The following ARHGAP26 variants were observed in gnomAD, a reference collection of about 807,000 sequenced individuals.
ARHGAP26 encodes rho GTPase-activating protein 26.
A neutral mutation model predicts 104.8 loss-of-function variants in ARHGAP26; 38 were observed. The observed-to-expected ratio is 0.36, with a 90% CI of 0.28 to 0.48. The LOEUF (loss-of-function observed/expected upper bound fraction) is 0.48. Ranked by LOEUF, ARHGAP26 falls within the 20% of genes least tolerant of loss-of-function variation. ARHGAP26 has a pLI of 0.99. For synonymous variants in ARHGAP26, 341 were observed against 340.0 expected (o/e 1.00, Z -0.03); for missense variants, 704 against 947.9 (o/e 0.74, Z 3.38).
chr5:143,102,306 C>T lies in ARHGAP26; in HGVS notation c.1539-18682C>T, dbSNP rs551033842. On this transcript the variant is annotated intron_variant, in intron 17 of 22. Transcript: ENST00000645722. ...TTCAGTCTGTTCCACTAGCAAGTAC[C>T]AGAGTGTGAGTCTCCCCTGGCAGGT... Among the ~76,000 whole-genome samples the T allele has an allele frequency of 2.6e-5, 4 of 152,260 alleles. No homozygotes were observed. The South Asian group carries it at 8.3e-4, about 32-fold the overall frequency.
At chr5:143,163,295 G>A (rs1048781502) in intron 20 of ARHGAP26, among the ~76,000 whole-genome samples, 1 of 152,156 alleles carries the variant, frequency 6.6e-6, no homozygotes, top group Admixed American at 6.5e-5. Context: ...AATATTTATG[G>A]TTGAATGAAG....
intron 11 of ARHGAP26, among the ~76,000 whole-genome samples, chr5:142,953,326 T>G (rs962951545): frequency 1.3e-5 from 2 of 152,236 alleles, no homozygotes; most frequent in African/African-American, 4.8e-5. Context: ...ATTGGTCACC[T>G]GCACTTATGC....
chr5:143,158,189 C>T (rs1800741044), intron 20 of ARHGAP26, among the ~76,000 whole-genome samples: 1 of 152,250 alleles, frequency 6.6e-6, no homozygotes, highest in African/African-American at 2.4e-5. Context: ...GATGGACACT[C>T]AATGTTTACT....
intron 1 of ARHGAP26, among the ~76,000 whole-genome samples, chr5:142,802,017 C>T (rs1243954181): frequency 6.6e-6 from 1 of 152,150 alleles, no homozygotes; most frequent in Non-Finnish European, 1.5e-5. Context: ...CAGAGGGGAT[C>T]TGTTCCCTCT....
At chr5:143,175,289 G>A (rs1430254304) in intron 20 of ARHGAP26, among the ~76,000 whole-genome samples, 2 of 152,176 alleles carry the variant, frequency 1.3e-5, no homozygotes, top group African/African-American at 4.8e-5. Context: ...TCAGCATCTT[G>A]AAAGGCAGCT....
chr5:143,091,400 A>C (rs1598968711), intron 17 of ARHGAP26, among the ~76,000 whole-genome samples: 1 of 152,358 alleles, frequency 6.6e-6, no homozygotes, highest in African/African-American at 2.4e-5. Flanking sequence ...AGATAAACCA[A>C]GTATATAATT....
chr5:143,167,482 C>CAAAAAAAAAAAAAAA (rs6149274), intron 20 of ARHGAP26, among the ~76,000 whole-genome samples: 7 of 60,084 alleles, frequency 1.2e-4, no homozygotes, highest in South Asian at 8.0e-4. Flanking sequence ...GACTCCATCT[C>CAAAAAAAAAAAAAAA]AAAAAAAAAA....
Position 142,770,834 on chromosome 5 carries a change from C to G in ARHGAP26, c.73C>G (p.His25Asp). The G allele has an allele frequency of 6.2e-7, 1 of 1,610,634 alleles. No homozygotes were observed. The highest frequency in any genetic ancestry group is 8.5e-7 in the Non-Finnish European group (1 of 1,178,348). Residue 25 changes from histidine (H) to aspartate (D), a missense_variant, in exon 1 of 23, where the codon CAC becomes GAC. By Grantham distance (81) the His-to-Asp change is moderately conservative. Coordinates refer to ENST00000645722, the MANE Select transcript of ARHGAP26 (RefSeq NM_001135608.3). ...GCACTTCCGAGAGACGCTCAAGTCG[C>G]ACGAAGCAGAGCTGGACAAGACCAA... ...SPHFRETLKS[H>D]EAELDKTNKF...
chr5:143,158,902 G>A (rs2578602), intron 20 of ARHGAP26, among the ~76,000 whole-genome samples: 30,735 of 152,092 alleles, frequency 0.2, 3,721 homozygotes, highest in East Asian at 0.39. Context: ...CAAAGGCAAA[G>A]GTGTTCATTC....
Position 143,037,265 on chromosome 5 carries a change from AAGT to A in ARHGAP26, c.1210+8_1210+10del, listed in dbSNP as rs776463314. The A allele has an allele frequency of 7.5e-6, 12 of 1,594,196 alleles. No homozygotes were observed. In the East Asian group the frequency reaches 9.0e-5, roughly 12 times the overall value. On this transcript the variant is annotated splice_donor_5th_base_variant and intron_variant, in intron 13 of 22. Coordinates refer to ENST00000645722, the MANE Select transcript of ARHGAP26 (RefSeq NM_001135608.3). ...ATCCATGCTGTGGAAACCAGAGGTAAAGTAGTTTAACAGATGGCATTGTTCTCA... is the reference window on the plus strand; with the variant it reads ...ATCCATGCTGTGGAAACCAGAGGTAAAGTTTAACAGATGGCATTGTTCTCA...
intron 22 of ARHGAP26, chr5:143,216,071 C>T (rs1167795308): frequency 2.4e-6 from 1 of 420,368 alleles, no homozygotes; most frequent in Non-Finnish European, 4.9e-6. Flanking sequence ...ATTTTATGTT[C>T]CTACCTTCTT....
intron 1 of ARHGAP26, among the ~76,000 whole-genome samples, chr5:142,842,213 A>C (rs971532130): frequency 2.6e-5 from 4 of 152,170 alleles, no homozygotes; most frequent in African/African-American, 7.2e-5. Flanking sequence ...TTTCCCCTGC[A>C]TTCTTCTGTG....
chr5:143,013,169 A>T (rs989830572), intron 11 of ARHGAP26, among the ~76,000 whole-genome samples: 3 of 152,092 alleles, frequency 2.0e-5, no homozygotes, highest in African/African-American at 7.2e-5. Context: ...AACCTCTCTT[A>T]AAAAAAACTT....
At chr5:143,191,511 G>A (rs947260169) in intron 20 of ARHGAP26, among the ~76,000 whole-genome samples, 2 of 152,212 alleles carry the variant, frequency 1.3e-5, no homozygotes, top group African/African-American at 2.4e-5. Flanking sequence ...ATAGCTTTAA[G>A]TGGTGCTTGG....
At chr5:142,941,074 C>CAAAA (rs1162903888) in intron 11 of ARHGAP26, among the ~76,000 whole-genome samples, 12 of 27,242 alleles carry the variant, frequency 4.4e-4, no homozygotes, top group African/African-American at 9.4e-4. Flanking sequence ...GACTCCATCT[C>CAAAA]AAAAAAAAAA....
chr5:143,019,316 A>G (rs772056452), intron 12 of ARHGAP26, among the ~76,000 whole-genome samples: 9 of 152,022 alleles, frequency 5.9e-5, no homozygotes, highest in Non-Finnish European at 7.4e-5. Context: ...TCACCTAGTT[A>G]TCTGATACTT....
At chr5:142,989,414 C>G (rs1775266747) in intron 11 of ARHGAP26, among the ~76,000 whole-genome samples, 1 of 152,118 alleles carries the variant, frequency 6.6e-6, no homozygotes, top group Non-Finnish European at 1.5e-5. Flanking sequence ...ACTGATGGGT[C>G]TTGACTCTTT....
intron 10 of ARHGAP26, among the ~76,000 whole-genome samples, chr5:142,919,708 C>T (rs1562081032): frequency 6.6e-6 from 1 of 151,980 alleles, no homozygotes; most frequent in Admixed American, 6.6e-5. Flanking sequence ...AAAAATCACC[C>T]TTTTTTGGCC....
At chr5:142,817,378 G>A (rs757951505) in intron 1 of ARHGAP26, among the ~76,000 whole-genome samples, 26 of 152,206 alleles carry the variant, frequency 1.7e-4, no homozygotes, top group Non-Finnish European at 3.2e-4. Flanking sequence ...GTAGAACCAG[G>A]GAACCATTCC....
Sources: allele counts gnomAD v4.1 joint callset (sites outside exome capture counted in the v4.1 genomes callset), GRCh38; gene constraint gnomAD v4.1.1; transcripts MANE v1.5; gene names NCBI Gene and HGNC (gene_info 2026-07-23, HGNC 2026-07-21).